Variants in ELAVL2 observed in about 807,000 individuals in gnomAD.
ELAVL2 encodes the protein ELAV-like protein 2.
Under a neutral mutation model 34.6 loss-of-function variants are expected in ELAVL2, and 4 were observed. That is an observed-to-expected ratio of 0.12 (90% CI 0.06 to 0.26). The LOEUF (loss-of-function observed/expected upper bound fraction) is 0.26, where lower values mean the gene tolerates loss of function less well. Ranked by LOEUF, ELAVL2 falls within the 10% of genes least tolerant of loss-of-function variation. ELAVL2 has a pLI of 1.00. For synonymous variants in ELAVL2, 193 were observed against 154.8 expected (o/e 1.25, Z -1.83); for missense variants, 432 against 442.8 (o/e 0.98, Z 0.22).
chr9:23,799,789 A>C (rs533870195), intron 1 of ELAVL2, among the ~76,000 whole-genome samples: 2 of 152,294 alleles, frequency 1.3e-5, no homozygotes, highest in East Asian at 3.9e-4. Context: ...TTGGGCAAGA[A>C]ATCTATTAAG....
chr9:23,763,402 G>C (rs2055505492), intron 1 of ELAVL2, among the ~76,000 whole-genome samples: 1 of 152,002 alleles, frequency 6.6e-6, no homozygotes, highest in Non-Finnish European at 1.5e-5. Context: ...GACTGTGGTG[G>C]AATCTAAAAA....
At chr9:23,806,440 A>G (rs944554556) in intron 1 of ELAVL2, among the ~76,000 whole-genome samples, 2 of 152,276 alleles carry the variant, frequency 1.3e-5, no homozygotes, top group Admixed American at 6.5e-5. Flanking sequence ...TTTCAAGACA[A>G]GCCTGGGTAA....
At chr9:23,787,507 C>T (rs1409914443) in intron 1 of ELAVL2, among the ~76,000 whole-genome samples, 1 of 151,476 alleles carries the variant, frequency 6.6e-6, no homozygotes, top group Non-Finnish European at 1.5e-5. Flanking sequence ...GCTGGGATTA[C>T]AGGCATGAGC....
chr9:23,700,128 C>T (rs1368146064), intron 5 of ELAVL2, among the ~76,000 whole-genome samples: 1 of 152,038 alleles, frequency 6.6e-6, no homozygotes, highest in African/African-American at 2.4e-5. Flanking sequence ...AACTCCTGAT[C>T]TTATTAGGTT....
At chr9:23,694,306 G>A (rs946491708) in intron 5 of ELAVL2, among the ~76,000 whole-genome samples, 7 of 151,284 alleles carry the variant, frequency 4.6e-5, no homozygotes, top group Admixed American at 1.3e-4. Context: ...GGGTGGAGGT[G>A]TAAGTACTCT....
chr9:23,790,594 G>GA (rs1453416534), intron 1 of ELAVL2, among the ~76,000 whole-genome samples: 5 of 152,132 alleles, frequency 3.3e-5, no homozygotes, highest in African/African-American at 1.2e-4. Flanking sequence ...AGTCCCTCAA[G>GA]AAAAAGTTAA....
intron 5 of ELAVL2, among the ~76,000 whole-genome samples, chr9:23,695,283 G>C (rs940399059): frequency 6.6e-6 from 1 of 152,142 alleles, no homozygotes; most frequent in Middle Eastern, 3.2e-3. Context: ...CGCATACTGA[G>C]GTCTCCAACC....
intron 5 of ELAVL2, among the ~76,000 whole-genome samples, chr9:23,693,880 G>C (rs1017235229): frequency 6.6e-6 from 1 of 152,110 alleles, no homozygotes; most frequent in African/African-American, 2.4e-5. Flanking sequence ...GATACCTAAG[G>C]CACACAGGGT....
intron 1 of ELAVL2, among the ~76,000 whole-genome samples, chr9:23,781,924 G>T (rs187431632): frequency 0.03 from 4,496 of 152,082 alleles, 88 homozygotes; most frequent in East Asian, 0.075. Context: ...GACCTCGTGA[G>T]CCGCCCGCCT....
intron 2 of ELAVL2, among the ~76,000 whole-genome samples, chr9:23,736,304 A>G (rs2134885714): frequency 6.6e-6 from 1 of 152,310 alleles, no homozygotes; most frequent in Non-Finnish European, 1.5e-5. Context: ...CACCCTACAA[A>G]TTTCTCATCT....
intron 1 of ELAVL2, among the ~76,000 whole-genome samples, chr9:23,790,067 G>GAA (rs750872564): frequency 4.7e-5 from 7 of 149,410 alleles, no homozygotes; most frequent in African/African-American, 1.5e-4. Flanking sequence ...GTAAAAAAGG[G>GAA]GAAAAAAAAA....
chr9:23,797,037 G>A (rs1404669765), intron 1 of ELAVL2, among the ~76,000 whole-genome samples: 1 of 152,150 alleles, frequency 6.6e-6, no homozygotes, highest in Non-Finnish European at 1.5e-5. Flanking sequence ...AGCCAATTTA[G>A]CTAAATGGAC....
the ELAVL2 span, among the ~76,000 whole-genome samples, chr9:23,836,612 C>A: frequency 1.8e-4 from 27 of 152,104 alleles, no homozygotes; most frequent in Admixed American, 4.6e-4. Flanking sequence ...GTTCAGTCCT[C>A]GCTTTTAAAA....
the ELAVL2 span, among the ~76,000 whole-genome samples, chr9:23,847,018 C>T: frequency 6.6e-6 from 1 of 151,954 alleles, no homozygotes; most frequent in Admixed American, 6.6e-5. Flanking sequence ...AAGCTACCAC[C>T]TAAAGTGTTT....
At chr9:23,709,960 G>C (rs1036087037) in intron 3 of ELAVL2, among the ~76,000 whole-genome samples, 1 of 152,040 alleles carries the variant, frequency 6.6e-6, no homozygotes, top group Non-Finnish European at 1.5e-5. Context: ...CAAAAGCTAC[G>C]AGTGATATAA....
At chr9:23,723,185 T>C (rs1295935814) in intron 3 of ELAVL2, among the ~76,000 whole-genome samples, 2 of 152,158 alleles carry the variant, frequency 1.3e-5, no homozygotes, top group African/African-American at 2.4e-5. Context: ...TGTCCAACAA[T>C]GATAGACTGG....
chr9:23,807,841 T>G (rs779481556), intron 1 of ELAVL2, among the ~76,000 whole-genome samples: 4 of 152,158 alleles, frequency 2.6e-5, no homozygotes, highest in Non-Finnish European at 5.9e-5. Flanking sequence ...TATTTCAAAA[T>G]CCAACACATT....
rs1254949113 is a variant in ELAVL2, at chr9:23,773,906, T to C, written c.-15-11657A>G. Among the ~76,000 whole-genome samples, 4 of 152,064 alleles carry C rather than the reference T, an allele frequency of 2.6e-5. No homozygotes were observed. The East Asian group carries it at 7.7e-4, about 29-fold the overall frequency. On this transcript the variant is annotated intron_variant, in intron 1 of 6. Transcript: ENST00000397312. The stretch of plus-strand genomic sequence containing the variant: ...CAAAACAAGATGTCTCTTAAAATGT[T>C]AGCATAGAAAATTTGCTTATCTGGG...
chr9:23,736,273 G>A lies in ELAVL2; in HGVS notation c.230-5148C>T, dbSNP rs1162479113. ...ACAAAATTGTGGAAAATAAAATTTT[G>A]TATTTAAAAAAAACAAGAGTCACCC... On this transcript the variant is annotated intron_variant, in intron 2 of 6. Transcript: ENST00000397312. 2.0e-5 allele frequency among the ~76,000 whole-genome samples: 3 copies of A among 152,066 alleles called. No individual in the cohort carries two copies. The East Asian group carries it at 5.8e-4, about 30-fold the overall frequency.
Sources: gnomAD v4.1 joint callset for allele counts (sites outside exome capture counted in the v4.1 genomes callset) on GRCh38, gnomAD v4.1.1 for gene constraint, MANE v1.5 for transcripts, NCBI Gene and HGNC (gene_info 2026-07-23, HGNC 2026-07-21) for gene names.